CNTNAP5: variants seen among roughly 807,000 people sequenced by gnomAD.
CNTNAP5 encodes contactin associated protein family member 5.
In CNTNAP5, 72 loss-of-function variants were observed where a neutral mutation model predicts 150.2. The observed-to-expected ratio is 0.48, with a 90% CI of 0.40 to 0.58. The LOEUF is 0.58. CNTNAP5 is among the 20% of genes least tolerant of loss of function. The pLI, the probability that CNTNAP5 is intolerant of heterozygous loss-of-function variation, is 0.00. For synonymous variants in CNTNAP5, 672 were observed against 619.8 expected, an observed-to-expected ratio of 1.08 and a Z score of -1.25; for missense variants, 1,636 against 1,626.2, an observed-to-expected ratio of 1.01 and a Z score of -0.10.
rs1680627069 is a variant in CNTNAP5, at chr2:124,747,384, TG to T, written c.2234+1del. The T allele has an allele frequency of 6.2e-7, 1 of 1,613,732 alleles. No homozygotes were observed. The highest frequency in any genetic ancestry group is 1.3e-5 in the African/African-American group (1 of 75,024). ...CAATTGCGACGCTGACAAGGATGAA[TG>T]GTAATGAGAATCTCCATCTTTCTGC... is the stretch of plus-strand genomic sequence containing the variant. ...FCNCDADKDEWTNDTGFLSFK... is the reference protein window; with the variant it reads ...FCNCDADKDEXTNDTGFLSFK... On this transcript the variant is annotated frameshift_variant and splice_region_variant, in exon 14 of 24. Coordinates refer to ENST00000682447, the MANE Select transcript of CNTNAP5 (RefSeq NM_001367498.1). LOFTEE classifies it high-confidence loss of function.
chr2:124,166,485 G>A (rs1475616223), intron 1 of CNTNAP5, among the ~76,000 whole-genome samples: 2 of 152,160 alleles, frequency 1.3e-5, no homozygotes, highest in African/African-American at 2.4e-5. Context: ...CTAACTGTCA[G>A]ATCAGCTTAG....
At chr2:124,485,800 G>A (rs181558910) in intron 7 of CNTNAP5, among the ~76,000 whole-genome samples, 64 of 152,020 alleles carry the variant, frequency 4.2e-4, no homozygotes, top group African/African-American at 1.5e-3. Flanking sequence ...AGTAATGGAG[G>A]ACAGGAACCT....
chr2:124,562,411 T>G (rs1034762500), intron 10 of CNTNAP5, among the ~76,000 whole-genome samples: 2 of 152,218 alleles, frequency 1.3e-5, no homozygotes, highest in African/African-American at 4.8e-5. Flanking sequence ...TTTTATGTAC[T>G]ACAGATTTCC....
chr2:124,465,730 C>T (rs953120725), intron 6 of CNTNAP5, among the ~76,000 whole-genome samples: 2 of 152,258 alleles, frequency 1.3e-5, no homozygotes, highest in African/African-American at 4.8e-5. Context: ...GGTGAAATAT[C>T]TCAATGCAAA....
intron 14 of CNTNAP5, among the ~76,000 whole-genome samples, chr2:124,758,561 A>T (rs138907069): frequency 1.8e-3 from 270 of 152,206 alleles, no homozygotes; most frequent in African/African-American, 6.3e-3. Flanking sequence ...ATTTAATAAG[A>T]GAAGTCTCAG....
chr2:124,512,497 C>T (rs1694614885), intron 8 of CNTNAP5, among the ~76,000 whole-genome samples: 1 of 151,968 alleles, frequency 6.6e-6, no homozygotes, highest in South Asian at 2.1e-4. Flanking sequence ...AATCTCTGGA[C>T]AAAAGGTGAC....
intron 3 of CNTNAP5, among the ~76,000 whole-genome samples, chr2:124,309,662 A>G (rs981127668): frequency 2.6e-5 from 4 of 152,166 alleles, no homozygotes; most frequent in Admixed American, 6.5e-5. Flanking sequence ...CAGCTTCCCA[A>G]TGACAAAAGT....
At chr2:124,549,356 C>T (rs1695581426) in intron 10 of CNTNAP5, among the ~76,000 whole-genome samples, 1 of 152,152 alleles carries the variant, frequency 6.6e-6, no homozygotes, top group Non-Finnish European at 1.5e-5. Flanking sequence ...TCCTTTTTGG[C>T]TTGCACTATA....
intron 3 of CNTNAP5, among the ~76,000 whole-genome samples, chr2:124,303,257 A>G (rs1412001843): frequency 6.6e-6 from 1 of 152,154 alleles, no homozygotes; most frequent in Non-Finnish European, 1.5e-5. Context: ...AGCTACTCAA[A>G]CAGGACAGTG....
At chr2:124,052,720 C>T (rs539431403) in intron 1 of CNTNAP5, among the ~76,000 whole-genome samples, 17 of 152,334 alleles carry the variant, frequency 1.1e-4, no homozygotes, top group South Asian at 2.1e-4. Flanking sequence ...CGTCTCTCCT[C>T]TCATGCAGCA....
At chr2:124,425,771 G>T (rs534669875) in intron 4 of CNTNAP5, among the ~76,000 whole-genome samples, 1 of 152,096 alleles carries the variant, frequency 6.6e-6, no homozygotes, top group African/African-American at 2.4e-5. Flanking sequence ...TTGCTATGTC[G>T]CTGTTAGGGT....
At chr2:124,120,461 AAGAGATGAATAGAACATGAAT>A (rs1327506676) in intron 1 of CNTNAP5, among the ~76,000 whole-genome samples, 1 of 152,234 alleles carries the variant, frequency 6.6e-6, no homozygotes, top group Non-Finnish European at 1.5e-5. Context: ...ACTCTGTCTT[AAGAGATGAATAGAACATGAAT>A]AGGCTCAGAG....
intron 3 of CNTNAP5, among the ~76,000 whole-genome samples, chr2:124,362,004 T>G (rs1690218044): frequency 6.6e-6 from 1 of 152,212 alleles, no homozygotes; most frequent in South Asian, 2.1e-4. Context: ...CGGGATATAA[T>G]CTTGTGGTGC....
At chr2:124,346,147 C>T (rs1452530187) in intron 3 of CNTNAP5, among the ~76,000 whole-genome samples, 1 of 152,130 alleles carries the variant, frequency 6.6e-6, no homozygotes, top group Non-Finnish European at 1.5e-5. Context: ...AAATACCACA[C>T]TCACTTGCTT....
chr2:124,367,446 C>T lies in CNTNAP5; in HGVS notation c.382-49997C>T, dbSNP rs141205316. On this transcript the variant is annotated intron_variant, in intron 3 of 23. Coordinates refer to ENST00000682447, the MANE Select transcript of CNTNAP5 (RefSeq NM_001367498.1). ...TCTCATGAGAACTCACTCACTATCA[C>T]GAGAGCAACATGTAGGTAACCACCC... Among the ~76,000 whole-genome samples the T allele has an allele frequency of 3.0e-3, 458 of 152,262 alleles. 4 individuals are homozygous for T. Among genetic ancestry groups the T allele is most frequent in the African/African-American group, 0.01 (436 of 41,566 alleles).
At chr2:124,077,427 CT>C (rs1444686913) in intron 1 of CNTNAP5, among the ~76,000 whole-genome samples, 2 of 152,156 alleles carry the variant, frequency 1.3e-5, no homozygotes, top group East Asian at 3.9e-4. Flanking sequence ...CTCTACTTTT[CT>C]GACATTTGTG....
At chr2:124,327,982 C>T (rs1199077966) in intron 3 of CNTNAP5, among the ~76,000 whole-genome samples, 3 of 151,880 alleles carry the variant, frequency 2.0e-5, no homozygotes, top group South Asian at 2.1e-4. Flanking sequence ...AGTATTTTTA[C>T]GTTACAAAAG....
At chr2:124,310,255 C>T (rs188962898) in intron 3 of CNTNAP5, among the ~76,000 whole-genome samples, 71 of 152,038 alleles carry the variant, frequency 4.7e-4, no homozygotes, top group Non-Finnish European at 8.8e-4. Context: ...CAATGCATTG[C>T]GGTCCCTGAT....
intron 19 of CNTNAP5, among the ~76,000 whole-genome samples, chr2:124,841,766 G>A (rs1396653809): frequency 6.6e-6 from 1 of 152,100 alleles, no homozygotes; most frequent in African/African-American, 2.4e-5. Flanking sequence ...GTGGATGGAA[G>A]GTTTGCTTCC....
Sources: allele counts gnomAD v4.1 joint callset (sites outside exome capture counted in the v4.1 genomes callset), GRCh38; gene constraint gnomAD v4.1.1; transcripts MANE v1.5; gene names NCBI Gene and HGNC (gene_info 2026-07-23, HGNC 2026-07-21).